The following ZNF385D variants were observed in gnomAD, a reference collection of about 807,000 sequenced individuals.
The protein encoded by ZNF385D is zinc finger protein 385D, also known as zinc finger protein 659.
Under a neutral mutation model 35.8 loss-of-function variants are expected in ZNF385D, and 15 were observed. The observed-to-expected ratio is 0.42, with a 90% CI of 0.28 to 0.64. The LOEUF is 0.64. Ranked by LOEUF, ZNF385D falls within the 30% of genes least tolerant of loss-of-function variation. ZNF385D has a pLI of 0.23. For missense variants in ZNF385D, 474 were observed against 494.6 expected (o/e 0.96, Z 0.39); for synonymous variants, 212 against 186.8 (o/e 1.13, Z -1.10).
intron 3 of ZNF385D, among the ~76,000 whole-genome samples, chr3:22,161,631 T>C (rs762289404): frequency 1.3e-5 from 2 of 152,106 alleles, no homozygotes; most frequent in Non-Finnish European, 2.9e-5. Flanking sequence ...TTCAAAAAAG[T>C]ATGCTAACAG....
intron 2 of ZNF385D, among the ~76,000 whole-genome samples, chr3:22,289,637 C>T (rs776273173): frequency 1.3e-5 from 2 of 152,116 alleles, no homozygotes; most frequent in African/African-American, 2.4e-5. Flanking sequence ...TTGGGAATGC[C>T]GGTGTGCTTA....
intron 3 of ZNF385D, among the ~76,000 whole-genome samples, chr3:21,822,950 T>C (rs1453214666): frequency 6.6e-6 from 1 of 151,832 alleles, no homozygotes; most frequent in East Asian, 1.9e-4. Context: ...AGCAAATGAA[T>C]TACTCAAAAT....
intron 2 of ZNF385D, among the ~76,000 whole-genome samples, chr3:22,173,570 G>A (rs1048838301): frequency 6.6e-6 from 1 of 152,090 alleles, no homozygotes; most frequent in African/African-American, 2.4e-5. Flanking sequence ...TGTGCTCTGG[G>A]AAAGAACTGA....
intron 3 of ZNF385D, among the ~76,000 whole-genome samples, chr3:21,834,299 G>C (rs1262579948): frequency 6.6e-6 from 1 of 152,110 alleles, no homozygotes; most frequent in African/African-American, 2.4e-5. Flanking sequence ...AGTCTAAACA[G>C]CAAAACTCCA....
At chr3:21,551,214 G>T (rs2062556850) in intron 3 of ZNF385D, among the ~76,000 whole-genome samples, 1 of 152,148 alleles carries the variant, frequency 6.6e-6, no homozygotes, top group South Asian at 2.1e-4. Flanking sequence ...GAAACACATA[G>T]ATCTTCCTCC....
chr3:21,911,918 T>C (rs904857505), intron 3 of ZNF385D, among the ~76,000 whole-genome samples: 2 of 151,928 alleles, frequency 1.3e-5, no homozygotes, highest in African/African-American at 4.8e-5. Context: ...TGTAAGCATA[T>C]ATTAATATAT....
At chr3:22,317,652 G>C (rs1267307346) in intron 2 of ZNF385D, among the ~76,000 whole-genome samples, 1 of 152,110 alleles carries the variant, frequency 6.6e-6, no homozygotes, top group Non-Finnish European at 1.5e-5. Context: ...CTAGGAATAA[G>C]GGTAGGTAAA....
intron 1 of ZNF385D, among the ~76,000 whole-genome samples, chr3:21,698,997 C>T (rs2067571666): frequency 6.6e-6 from 1 of 152,032 alleles, no homozygotes; most frequent in Non-Finnish European, 1.5e-5. Flanking sequence ...GGTTTATACC[C>T]AAAGGATTAT....
intron 2 of ZNF385D, among the ~76,000 whole-genome samples, chr3:21,631,677 T>C (rs1212394257): frequency 6.6e-6 from 1 of 152,120 alleles, no homozygotes; most frequent in African/African-American, 2.4e-5. Context: ...AAGATGGACA[T>C]CAAAAGGGAT....
chr3:22,235,163 T>C (rs796506260), intron 2 of ZNF385D, among the ~76,000 whole-genome samples: 26 of 152,188 alleles, frequency 1.7e-4, no homozygotes, highest in African/African-American at 5.3e-4. Flanking sequence ...ATATTTTTTC[T>C]ATATGAATCT....
chr3:22,334,347 CTT>C (rs1695070784), intron 2 of ZNF385D, among the ~76,000 whole-genome samples: 1 of 152,088 alleles, frequency 6.6e-6, no homozygotes, highest in South Asian at 2.1e-4. Flanking sequence ...ATAGTATTGA[CTT>C]AAAGCCTAAG....
At chr3:21,930,136 C>A (rs1048819532) in intron 3 of ZNF385D, among the ~76,000 whole-genome samples, 3 of 151,952 alleles carry the variant, frequency 2.0e-5, no homozygotes, top group Admixed American at 1.3e-4. Flanking sequence ...CAAAAATAAA[C>A]CCATACTTTA....
rs529771098 is a variant in ZNF385D, at chr3:22,139,762, T to C, written c.325+29055A>G. 8.9e-4 allele frequency among the ~76,000 whole-genome samples: 135 copies of C among 150,968 alleles called. 1 individual carries two copies. The highest frequency in any genetic ancestry group is 1.0e-3 in the Non-Finnish European group (68 of 67,884). On this transcript the variant is annotated intron_variant, in intron 3 of 5. Coordinates refer to the ZNF385D transcript ENST00000494108. ...CACATGTACCCTAAAACTTAAAGTA[T>C]AATAAAACAAAAAAAAGAATAGTTC...
intron 3 of ZNF385D, among the ~76,000 whole-genome samples, chr3:21,879,052 T>A (rs561051510): frequency 1.3e-4 from 20 of 152,146 alleles, no homozygotes; most frequent in Non-Finnish European, 1.9e-4. Flanking sequence ...GCCTTTGTTA[T>A]TTTTCATCAT....
intron 1 of ZNF385D, among the ~76,000 whole-genome samples, chr3:21,723,608 T>G (rs961917992): frequency 6.6e-6 from 1 of 152,058 alleles, no homozygotes; most frequent in Non-Finnish European, 1.5e-5. Flanking sequence ...GAAAAAAGAA[T>G]AAGAAGGAAT....
chr3:22,212,632 G>A (rs531655793), intron 2 of ZNF385D, among the ~76,000 whole-genome samples: 1 of 152,036 alleles, frequency 6.6e-6, no homozygotes, highest in Non-Finnish European at 1.5e-5. Context: ...AGTCAAAAAG[G>A]CCATTCCTAA....
chr3:22,130,912 T>C (rs186765306), intron 3 of ZNF385D, among the ~76,000 whole-genome samples: 1 of 152,286 alleles, frequency 6.6e-6, no homozygotes, highest in Non-Finnish European at 1.5e-5. Flanking sequence ...TTATTTATTT[T>C]TATTTATCAC....
intron 2 of ZNF385D, among the ~76,000 whole-genome samples, chr3:21,569,195 C>A (rs1248926070): frequency 3.3e-5 from 5 of 151,234 alleles, no homozygotes; most frequent in African/African-American, 1.2e-4. Flanking sequence ...GTGTGGGAGT[C>A]TAAGTCTCTT....
chr3:21,616,295 A>G (rs949825860), intron 2 of ZNF385D, among the ~76,000 whole-genome samples: 3 of 152,160 alleles, frequency 2.0e-5, no homozygotes, highest in Non-Finnish European at 4.4e-5. Context: ...TTTCCTTGCA[A>G]AGGAATCTGG....
Sources: allele counts gnomAD v4.1 joint callset (sites outside exome capture counted in the v4.1 genomes callset), GRCh38; gene constraint gnomAD v4.1.1; transcripts MANE v1.5; gene names NCBI Gene and HGNC (gene_info 2026-07-23, HGNC 2026-07-21).